CCDC6: variants seen among roughly 807,000 people sequenced by gnomAD.
CCDC6 encodes coiled-coil domain containing 6, also known as coiled-coil domain-containing protein 6.
Under a neutral mutation model 56.6 loss-of-function variants are expected in CCDC6, and 20 were observed. The ratio of observed to expected loss-of-function variants is 0.35; its 90% confidence interval spans 0.25 to 0.51. CCDC6 has a LOEUF of 0.51. Among genes scored for constraint, CCDC6 ranks in the 20% least tolerant of loss-of-function variants. CCDC6 has a pLI of 0.95. For missense variants in CCDC6, 367 were observed against 601.1 expected (o/e 0.61, Z 4.07); for synonymous variants, 241 against 234.4 (o/e 1.03, Z -0.26).
rs1554883203 is a variant in CCDC6 at position 59,818,498 on chromosome 10, G to GGGT, written c.583-3744_583-3743insACC. ...CGTCCTTTTATTATAATGTTGACGG[G>GGGT]GGGGGGGGAAGCAGATTCTCAGTGG... On this transcript the variant is annotated intron_variant, in intron 3 of 8. Coordinates refer to ENST00000263102, the MANE Select transcript of CCDC6 (RefSeq NM_005436.5). Among the ~76,000 whole-genome samples, 18 of 116,462 alleles carry GGGT rather than the reference G, an allele frequency of 1.5e-4. 2 individuals carry two copies. The highest frequency in any genetic ancestry group is 6.2e-4 in the African/African-American group (16 of 25,870). 76.4% of individuals were successfully genotyped at this position (116,462 alleles called of 152,430 possible).
intron 1 of CCDC6, 46 bp downstream of exon 1, chr10:59,906,076 G>A (rs779031229): frequency 2.0e-6 from 3 of 1,492,754 alleles, no homozygotes; most frequent in Non-Finnish European, 2.7e-6. Flanking sequence ...CCCCTCCCGG[G>A]GCGGGCGGAG....
chr10:59,797,534 C>G (rs2070531338), intron 7 of CCDC6, among the ~76,000 whole-genome samples: 1 of 110,110 alleles, frequency 9.1e-6, no homozygotes, highest in Non-Finnish European at 1.7e-5. Context: ...GATGTATCAA[C>G]AATTGACCAA....
chr10:59,812,861 T>C (rs2070683979), intron 4 of CCDC6, 66 bp from the exon 5 acceptor site: 1 of 1,196,210 alleles, frequency 8.4e-7, no homozygotes, highest in Admixed American at 2.0e-5. Context: ...AACAACATAC[T>C]AGCTGGCAGG....
At position 59,844,588 on chromosome 10, in the gene CCDC6, T is replaced by TAA. The variant is rs74766839; in HGVS notation, c.453+7963_453+7964dup. ...AACATGGTAAAACCCTGTCTCTACT[T>TAA]AAAAAAAAAAAAAAATACAAAAATT... On this transcript the variant is annotated intron_variant, in intron 2 of 8. Coordinates refer to ENST00000263102, the MANE Select transcript of CCDC6 (RefSeq NM_005436.5). 6.0e-3 allele frequency among the ~76,000 whole-genome samples: 834 copies of TAA among 137,864 alleles called. 11 individuals carry two copies. Among genetic ancestry groups the TAA allele is most frequent in the African/African-American group, 0.021 (799 of 37,568 alleles). The allele number at this position is 137,864 out of a possible 152,430, so 90.4% of individuals were successfully genotyped here. A position where few individuals can be genotyped will look rare whatever the true frequency, so the allele number is the denominator to read the frequency against.
intron 3 of CCDC6, among the ~76,000 whole-genome samples, chr10:59,817,622 G>A (rs1344803717): frequency 6.6e-6 from 1 of 152,194 alleles, no homozygotes; most frequent in African/African-American, 2.4e-5. Context: ...GCGGTATGAT[G>A]TCTAGTGGAG....
At chr10:59,832,021 TG>T (rs1264039990) in intron 3 of CCDC6, among the ~76,000 whole-genome samples, 3 of 152,238 alleles carry the variant, frequency 2.0e-5, no homozygotes, top group Admixed American at 2.0e-4. Flanking sequence ...AATCAGTCAG[TG>T]GTTGACTCAA....
intron 3 of CCDC6, among the ~76,000 whole-genome samples, chr10:59,819,830 T>C (rs2070737274): frequency 6.6e-6 from 1 of 152,184 alleles, no homozygotes; most frequent in South Asian, 2.1e-4. Flanking sequence ...AGCCCCGTAC[T>C]GTGATTATTC....
chr10:59,819,864 T>C (rs1439915389), intron 3 of CCDC6, among the ~76,000 whole-genome samples: 1 of 152,208 alleles, frequency 6.6e-6, no homozygotes, highest in Non-Finnish European at 1.5e-5. Context: ...CACCAAGGGA[T>C]AGAGCTAATT....
rs2070444996 is a variant in CCDC6, at chr10:59,789,140, C to T, written c.*3777G>A. On this transcript the variant is annotated 3_prime_UTR_variant, in exon 9 of 9. Transcript: ENST00000263102. ...TCTTCTGGAGGAATGCATTCTTAAA[C>T]TGTTGTGCCTGCAACTTTGTTTTTG... 8.7e-6 allele frequency: 2 copies of T among 229,310 alleles called. No homozygotes were observed. The highest frequency in any genetic ancestry group is 2.2e-5 in the African/African-American group (1 of 45,128). 14.2% of individuals were successfully genotyped at this position (229,310 alleles called of 1,614,324 possible). A position where few individuals can be genotyped will look rare whatever the true frequency, so the allele number is the denominator to read the frequency against.
intron 1 of CCDC6, among the ~76,000 whole-genome samples, chr10:59,876,560 G>A (rs576323667): frequency 1.5e-4 from 21 of 142,364 alleles, no homozygotes; most frequent in African/African-American, 5.0e-4. Flanking sequence ...GATAGCTGCC[G>A]TGTTATATAA....
intron 3 of CCDC6, among the ~76,000 whole-genome samples, chr10:59,823,174 G>A (rs1390067057): frequency 6.6e-6 from 1 of 152,204 alleles, no homozygotes. Context: ...GAGCTCAGGA[G>A]CTATGAGTGC....
At chr10:59,819,696 C>A (rs1001889188) in intron 3 of CCDC6, among the ~76,000 whole-genome samples, 2 of 152,180 alleles carry the variant, frequency 1.3e-5, no homozygotes, top group Non-Finnish European at 2.9e-5. Context: ...TGGTCTCTAT[C>A]TGTAATAATC....
At chr10:59,823,668 C>T (rs10994033) in intron 3 of CCDC6, among the ~76,000 whole-genome samples, 1 of 141,570 alleles carries the variant, frequency 7.1e-6, no homozygotes, top group African/African-American at 2.5e-5. Flanking sequence ...ACTTGATGTT[C>T]TTTATCCAAA....
At chr10:59,868,454 AG>A (rs2071196827) in intron 1 of CCDC6, among the ~76,000 whole-genome samples, 1 of 152,114 alleles carries the variant, frequency 6.6e-6, no homozygotes. Flanking sequence ...CCTGTGATTA[AG>A]GTGGTTCTTC....
chr10:59,891,206 G>A (rs12246214), intron 1 of CCDC6, among the ~76,000 whole-genome samples: 1,946 of 152,256 alleles, frequency 0.013, 48 homozygotes, highest in African/African-American at 0.044. Context: ...TGTGCATCCT[G>A]CATTTTTACT....
chr10:59,818,063 C>G (rs2132634812), intron 3 of CCDC6, among the ~76,000 whole-genome samples: 1 of 152,140 alleles, frequency 6.6e-6, no homozygotes, highest in Non-Finnish European at 1.5e-5. Context: ...TCCTGTCCAA[C>G]CAGCAAGTAC....
At chr10:59,836,312 T>G (rs1363780596) in intron 2 of CCDC6, among the ~76,000 whole-genome samples, 1 of 152,180 alleles carries the variant, frequency 6.6e-6, no homozygotes, top group Admixed American at 6.5e-5. Context: ...TGAATTGACC[T>G]GCCTATTTTA....
chr10:59,878,222 A>G (rs140471640), intron 1 of CCDC6, among the ~76,000 whole-genome samples: 154 of 152,328 alleles, frequency 1.0e-3, no homozygotes, highest in African/African-American at 3.5e-3. Context: ...TGAGAAACAA[A>G]TAAGTATCCA....
At chr10:59,851,131 G>GGAA (rs745765424) in intron 2 of CCDC6, among the ~76,000 whole-genome samples, 133 of 46,768 alleles carry the variant, frequency 2.8e-3, no homozygotes, top group East Asian at 0.02. Context: ...CATGTAAATT[G>GGAA]AAAAAAAAAA....
Sources: gnomAD v4.1 joint callset for allele counts (sites outside exome capture counted in the v4.1 genomes callset) on GRCh38, gnomAD v4.1.1 for gene constraint, MANE v1.5 for transcripts, NCBI Gene and HGNC (gene_info 2026-07-23, HGNC 2026-07-21) for gene names.